The following DTNB variants were observed in gnomAD, a reference collection of about 807,000 sequenced individuals.
DTNB encodes the protein dystrobrevin beta, also known as DTN-B.
Under a neutral mutation model 90.7 loss-of-function variants are expected in DTNB, and 63 were observed. The ratio of observed to expected loss-of-function variants is 0.69; its 90% CI spans 0.57 to 0.86. DTNB has a LOEUF of 0.86. Ranked by LOEUF, DTNB falls within the 40% of genes least tolerant of loss-of-function variation. The pLI is 0.00. For missense variants in DTNB, 744 were observed against 807.1 expected, an observed-to-expected ratio of 0.92 and a Z score of 0.95; for synonymous variants, 277 against 286.7, an observed-to-expected ratio of 0.97 and a Z score of 0.34.
At chr2:25,381,514 G>A (rs1004227693) in intron 19 of DTNB, among the ~76,000 whole-genome samples, 2 of 152,148 alleles carry the variant, frequency 1.3e-5, no homozygotes, top group Non-Finnish European at 1.5e-5. Context: ...AAAGCAGCTG[G>A]GACTACAGGT....
intron 16 of DTNB, among the ~76,000 whole-genome samples, chr2:25,410,934 CTT>C (rs34571788): frequency 1.5e-3 from 201 of 132,428 alleles, no homozygotes; most frequent in Non-Finnish European, 1.4e-3. Flanking sequence ...ACTGCCTTTT[CTT>C]TTTTTTTTTT....
At chr2:25,464,837 C>G (rs1030995075) in intron 10 of DTNB, among the ~76,000 whole-genome samples, 63 of 152,170 alleles carry the variant, frequency 4.1e-4, no homozygotes, top group African/African-American at 1.5e-3. Context: ...TGCAAAATAT[C>G]TGACCAGTAC....
chr2:25,396,247 T>C (rs2042324912), intron 16 of DTNB, among the ~76,000 whole-genome samples: 1 of 152,142 alleles, frequency 6.6e-6, no homozygotes, highest in Admixed American at 6.6e-5. Flanking sequence ...AATGATACAC[T>C]GGTCTGCAAT....
chr2:25,504,881 C>A (rs545501569), intron 9 of DTNB, among the ~76,000 whole-genome samples: 1 of 152,040 alleles, frequency 6.6e-6, no homozygotes, highest in South Asian at 2.1e-4. Context: ...CACATGGAAA[C>A]GCAACAGACA....
intron 16 of DTNB, among the ~76,000 whole-genome samples, chr2:25,397,337 C>CAAAA (rs749225408): frequency 6.3e-5 from 4 of 63,422 alleles, no homozygotes; most frequent in Admixed American, 1.8e-4. Flanking sequence ...GACTCTGTCT[C>CAAAA]AAAAAAAAAA....
intron 10 of DTNB, among the ~76,000 whole-genome samples, 185 bp downstream of exon 10, chr2:25,482,611 C>T (rs1028510184): frequency 6.6e-6 from 1 of 151,784 alleles, no homozygotes; most frequent in Admixed American, 6.6e-5. Context: ...ATTTGTGAGT[C>T]GGTGGGGGAA....
intron 12 of DTNB, among the ~76,000 whole-genome samples, chr2:25,436,421 TCTCACTGAGGG>T (rs1320476297): frequency 6.6e-6 from 1 of 152,076 alleles, no homozygotes; most frequent in East Asian, 1.9e-4. Flanking sequence ...GAAAGGCAGC[TCTCACTGAGGG>T]CTCCACGATG....
At chr2:25,415,445 C>T (rs2047671781) in intron 16 of DTNB, among the ~76,000 whole-genome samples, 1 of 152,092 alleles carries the variant, frequency 6.6e-6, no homozygotes, top group Admixed American at 6.5e-5. Context: ...TGGGGTTTCA[C>T]TATGTTGGCC....
chr2:25,536,705 G>A (rs868823005), intron 8 of DTNB, among the ~76,000 whole-genome samples: 62 of 152,294 alleles, frequency 4.1e-4, no homozygotes, highest in African/African-American at 1.4e-3. Flanking sequence ...GTAGAAAGAG[G>A]GAGACAGAGA....
intron 8 of DTNB, among the ~76,000 whole-genome samples, chr2:25,534,020 A>G (rs1224305406): frequency 2.0e-5 from 3 of 147,878 alleles, no homozygotes; most frequent in Admixed American, 6.8e-5. Context: ...TTAAGTATTT[A>G]TTGATCATTC....
intron 10 of DTNB, among the ~76,000 whole-genome samples, chr2:25,471,152 G>A (rs1188391272): frequency 1.3e-5 from 2 of 152,196 alleles, no homozygotes; most frequent in African/African-American, 4.8e-5. Context: ...GAGGGCGTGT[G>A]AGAGAGACAA....
chr2:25,458,773 T>G (rs2060465558), intron 10 of DTNB, among the ~76,000 whole-genome samples: 1 of 152,280 alleles, frequency 6.6e-6, no homozygotes, highest in South Asian at 2.1e-4. Context: ...GCCTCCTGAT[T>G]AACTGGGACT....
intron 8 of DTNB, among the ~76,000 whole-genome samples, chr2:25,553,597 G>A (rs142171895): frequency 0.018 from 2,698 of 151,824 alleles, 82 homozygotes; most frequent in African/African-American, 0.061. Flanking sequence ...AAAATTAGCC[G>A]GGTGTGGTGG....
intron 16 of DTNB, among the ~76,000 whole-genome samples, chr2:25,417,072 A>G (rs1253955054): frequency 6.6e-6 from 1 of 152,248 alleles, no homozygotes; most frequent in African/African-American, 2.4e-5. Context: ...AGTGGACAGA[A>G]GGATATTTCT....
chr2:25,622,175 G>T (rs1463708667), intron 4 of DTNB, among the ~76,000 whole-genome samples: 1 of 152,150 alleles, frequency 6.6e-6, no homozygotes, highest in Non-Finnish European at 1.5e-5. Context: ...TCAACAGTCA[G>T]AAATAAAGTA....
chr2:25,443,980 G>A (rs2057987515), intron 12 of DTNB, among the ~76,000 whole-genome samples: 1 of 152,180 alleles, frequency 6.6e-6, no homozygotes, highest in South Asian at 2.1e-4. Context: ...TGGGGGCTGT[G>A]CAGCCTGGGA....
intron 4 of DTNB, among the ~76,000 whole-genome samples, chr2:25,614,642 TTA>T (rs1254663361): frequency 2.0e-5 from 3 of 152,204 alleles, no homozygotes; most frequent in African/African-American, 7.2e-5. Flanking sequence ...CAAAAAAGAT[TTA>T]GAGAGATATA....
intron 9 of DTNB, among the ~76,000 whole-genome samples, chr2:25,491,715 T>C (rs1277835608): frequency 6.6e-6 from 1 of 151,968 alleles, no homozygotes; most frequent in Non-Finnish European, 1.5e-5. Context: ...TCTGTTATTT[T>C]TTTTCTTCTA....
At chr2:25,589,505 T>C (rs2063148504) in intron 6 of DTNB, among the ~76,000 whole-genome samples, 1 of 148,588 alleles carries the variant, frequency 6.7e-6, no homozygotes, top group Admixed American at 6.8e-5. Flanking sequence ...CTCAGCCTCC[T>C]GAGTAGCTGG....
Sources: gnomAD v4.1 joint callset for allele counts (sites outside exome capture counted in the v4.1 genomes callset) on GRCh38, gnomAD v4.1.1 for gene constraint, MANE v1.5 for transcripts, NCBI Gene and HGNC (gene_info 2026-07-23, HGNC 2026-07-21) for gene names.